Variants in CSMD1 observed in about 807,000 individuals in gnomAD.
CSMD1 encodes CUB and Sushi multiple domains 1.
A neutral mutation model predicts 417.5 loss-of-function variants in CSMD1; 213 were observed. The ratio of observed to expected loss-of-function variants is 0.51; its 90% CI spans 0.46 to 0.57. The LOEUF is 0.57. Among genes scored for constraint, CSMD1 ranks in the 20% least tolerant of loss-of-function variants. CSMD1 has a pLI of 0.00. For synonymous variants in CSMD1, 2,862 were observed against 1,736.8 expected (o/e 1.65, Z -16.11); for missense variants, 6,923 against 4,529.7 (o/e 1.53, Z -15.17).
intron 7 of CSMD1, among the ~76,000 whole-genome samples, chr8:3,687,700 G>C (rs903599556): frequency 1.3e-5 from 2 of 152,172 alleles, no homozygotes; most frequent in Non-Finnish European, 2.9e-5. Context: ...CGTGCTAACT[G>C]ATGGCTGGTG....
intron 1 of CSMD1, among the ~76,000 whole-genome samples, chr8:4,640,425 C>G (rs1187270995): frequency 1.3e-5 from 2 of 151,974 alleles, no homozygotes; most frequent in Non-Finnish European, 2.9e-5. Flanking sequence ...TGGTGTAAGC[C>G]TAAATAGCCA....
At chr8:3,269,557 T>G (rs1201035997) in intron 26 of CSMD1, among the ~76,000 whole-genome samples, 1 of 152,334 alleles carries the variant, frequency 6.6e-6, no homozygotes, top group South Asian at 2.1e-4. Context: ...AGCTGTTACA[T>G]TACTACCACT....
intron 5 of CSMD1, among the ~76,000 whole-genome samples, chr8:3,772,506 CACAT>C (rs1798654291): frequency 5.7e-5 from 1 of 17,500 alleles, no homozygotes; most frequent in Non-Finnish European, 1.9e-4. Flanking sequence ...TACATATATA[CACAT>C]ATATACATAT....
intron 62 of CSMD1, among the ~76,000 whole-genome samples, chr8:2,959,990 T>C (rs550974952): frequency 6.6e-6 from 1 of 152,304 alleles, no homozygotes; most frequent in African/African-American, 2.4e-5. Context: ...CCAACCCTAT[T>C]AGTGTCATAT....
At chr8:3,737,771 G>A (rs934964098) in intron 6 of CSMD1, among the ~76,000 whole-genome samples, 12 of 152,160 alleles carry the variant, frequency 7.9e-5, no homozygotes, top group Non-Finnish European at 1.3e-4. Flanking sequence ...AAGCTCCCAT[G>A]AAATCGTCTG....
intron 18 of CSMD1, among the ~76,000 whole-genome samples, chr8:3,385,736 T>C (rs927743554): frequency 1.3e-5 from 2 of 152,132 alleles, no homozygotes; most frequent in African/African-American, 4.8e-5. Flanking sequence ...TACTTAAAGT[T>C]TAATGTAAAA....
intron 3 of CSMD1, among the ~76,000 whole-genome samples, chr8:4,311,103 G>C (rs1057364997): frequency 1.3e-5 from 2 of 152,158 alleles, no homozygotes; most frequent in East Asian, 3.9e-4. Context: ...TATCTTCAAA[G>C]AGCTAGAAGC....
At chr8:4,610,419 G>A (rs549188445) in intron 2 of CSMD1, among the ~76,000 whole-genome samples, 73 of 152,242 alleles carry the variant, frequency 4.8e-4, no homozygotes, top group African/African-American at 1.6e-3. Flanking sequence ...TTCTTTTTAT[G>A]GTTAAGGATT....
chr8:4,220,768 G>A (rs1242209424), intron 3 of CSMD1, among the ~76,000 whole-genome samples: 2 of 152,170 alleles, frequency 1.3e-5, no homozygotes, highest in African/African-American at 4.8e-5. Context: ...GGAGAATATG[G>A]GGCCACCCAA....
intron 5 of CSMD1, among the ~76,000 whole-genome samples, chr8:3,951,615 A>C (rs994368386): frequency 1.3e-5 from 2 of 152,220 alleles, no homozygotes; most frequent in Non-Finnish European, 2.9e-5. Context: ...CTACTCTAGG[A>C]AACAGCTGAC....
At chr8:3,899,328 G>C (rs1000004950) in intron 5 of CSMD1, among the ~76,000 whole-genome samples, 1 of 152,200 alleles carries the variant, frequency 6.6e-6, no homozygotes, top group Non-Finnish European at 1.5e-5. Context: ...TGCTACTTCA[G>C]AGCAGGTGTG....
chr8:4,908,005 A>C (rs1468370856), intron 1 of CSMD1, among the ~76,000 whole-genome samples: 1 of 147,712 alleles, frequency 6.8e-6, no homozygotes, highest in East Asian at 1.9e-4. Context: ...TCTGGGAATT[A>C]TTACTTTTAA....
intron 2 of CSMD1, among the ~76,000 whole-genome samples, chr8:4,621,962 G>GA (rs954450358): frequency 1.3e-5 from 2 of 152,018 alleles, no homozygotes; most frequent in Admixed American, 1.3e-4. Context: ...AAAATCATAT[G>GA]AAAAAATTAC....
At chr8:4,087,361 C>T (rs573903243) in intron 3 of CSMD1, among the ~76,000 whole-genome samples, 3 of 152,318 alleles carry the variant, frequency 2.0e-5, no homozygotes, top group East Asian at 3.9e-4. Flanking sequence ...TCTGAATTTG[C>T]TTCTCAAAGA....
chr8:3,756,502 G>A (rs1471507963), intron 5 of CSMD1, among the ~76,000 whole-genome samples: 1 of 151,866 alleles, frequency 6.6e-6, no homozygotes, highest in African/African-American at 2.4e-5. Context: ...ATTAAGCACA[G>A]AAGCAAGCCT....
intron 1 of CSMD1, among the ~76,000 whole-genome samples, chr8:4,707,514 G>A (rs536932850): frequency 1.3e-5 from 2 of 152,260 alleles, no homozygotes; most frequent in African/African-American, 2.4e-5. Flanking sequence ...GTAGGAGTCC[G>A]TGAACAGTTA....
intron 2 of CSMD1, among the ~76,000 whole-genome samples, chr8:4,517,333 G>C (rs1464719123): frequency 2.0e-5 from 3 of 152,150 alleles, no homozygotes; most frequent in Admixed American, 2.0e-4. Context: ...GAATGTGATT[G>C]CACCAGTTGC....
chr8:4,450,405 A>T (rs1048606954), intron 2 of CSMD1, among the ~76,000 whole-genome samples: 3 of 152,114 alleles, frequency 2.0e-5, no homozygotes, highest in Non-Finnish European at 2.9e-5. Context: ...AGGCAGGCGG[A>T]TCAGCAGGTC....
At chr8:4,175,991 T>C (rs1023150450) in intron 3 of CSMD1, among the ~76,000 whole-genome samples, 2 of 152,152 alleles carry the variant, frequency 1.3e-5, no homozygotes, top group African/African-American at 4.8e-5. Flanking sequence ...TTCTCTGTCC[T>C]TGAGAGGCTA....
Sources: gnomAD v4.1 joint callset for allele counts (sites outside exome capture counted in the v4.1 genomes callset) on GRCh38, gnomAD v4.1.1 for gene constraint, MANE v1.5 for transcripts, NCBI Gene and HGNC (gene_info 2026-07-23, HGNC 2026-07-21) for gene names.